DLGAP2: variants seen among roughly 807,000 people sequenced by gnomAD.
DLGAP2 encodes the protein disks large-associated protein 2.
DLGAP2 carries 26 observed loss-of-function variants against 100.3 expected under a neutral mutation model. The ratio of observed to expected loss-of-function variants is 0.26; its 90% CI spans 0.19 to 0.36. DLGAP2 has a LOEUF of 0.36. Ranked by LOEUF, DLGAP2 falls within the 10% of genes least tolerant of loss-of-function variation. The pLI is 1.00. For synonymous variants in DLGAP2, 886 were observed against 630.1 expected (o/e 1.41, Z -6.08); for missense variants, 1,858 against 1,453.2 (o/e 1.28, Z -4.53).
At position 1,549,368 on chromosome 8, in the gene DLGAP2, C is replaced by G. The variant is rs1477420395; in HGVS notation, c.915C>G (p.Ser305Arg). Residue 305 changes from serine (S) to arginine (R), a missense_variant, in exon 5 of 15, where the codon AGC becomes AGG. Ser to Arg is a moderately radical substitution (Grantham distance 110). Coordinates refer to ENST00000637795, the MANE Select transcript of DLGAP2 (RefSeq NM_001346810.2). ...GGAGCTCGGACGACAACCTGGACAG[C>G]GACAGCACCTATCGGACGCCCAGCG... ...SWWSSDDNLD[S>R]DSTYRTPSVL... The G allele has an allele frequency of 1.2e-6, 2 of 1,613,442 alleles. No homozygotes were observed. Among genetic ancestry groups the G allele is most frequent in the Non-Finnish European group, 1.7e-6 (2 of 1,179,794 alleles).
rs1800045891 is a variant in DLGAP2, at chr8:1,291,025, G to C, written c.106+32142G>C. 3.3e-5 allele frequency among the ~76,000 whole-genome samples: 5 copies of C among 152,186 alleles called. 1 individual carries two copies. The South Asian group carries it at 1.0e-3, about 32-fold the overall frequency. On this transcript the variant is annotated intron_variant, in intron 3 of 14. Coordinates refer to ENST00000637795, the MANE Select transcript of DLGAP2 (RefSeq NM_001346810.2). ...AAGTAATACTAAAAGGAGTTCTAAA[G>C]CTTGAAACAAAAGGTCTATAGGCAC...
chr8:1,337,105 G>C (rs1004229025), intron 3 of DLGAP2, among the ~76,000 whole-genome samples: 4 of 152,050 alleles, frequency 2.6e-5, no homozygotes, highest in African/African-American at 9.7e-5. Flanking sequence ...AGGTGAAGAA[G>C]AAATAGATAA....
At chr8:1,441,186 T>C (rs552838562) in intron 3 of DLGAP2, among the ~76,000 whole-genome samples, 1 of 152,348 alleles carries the variant, frequency 6.6e-6, no homozygotes, top group South Asian at 2.1e-4. Flanking sequence ...CAATATTTAT[T>C]CAGTGTTAAT....
chr8:832,520 G>A (rs925591414), intron 1 of DLGAP2, among the ~76,000 whole-genome samples: 1 of 152,276 alleles, frequency 6.6e-6, no homozygotes, highest in South Asian at 2.1e-4. Context: ...CTCTGCGTCT[G>A]ATTGGTGAAT....
intron 2 of DLGAP2, among the ~76,000 whole-genome samples, chr8:1,213,597 G>T (rs909597286): frequency 1.3e-5 from 2 of 152,148 alleles, no homozygotes; most frequent in African/African-American, 4.8e-5. Flanking sequence ...CTCAGATATG[G>T]ATAGCAGGGG....
At chr8:1,639,046 G>A (rs1420215867) in intron 8 of DLGAP2, among the ~76,000 whole-genome samples, 1 of 152,226 alleles carries the variant, frequency 6.6e-6, no homozygotes, top group Non-Finnish European at 1.5e-5. Flanking sequence ...CTGCCTCTCA[G>A]CAGCCGAAGC....
At chr8:1,502,724 C>T (rs930848251) in intron 4 of DLGAP2, among the ~76,000 whole-genome samples, 2 of 152,162 alleles carry the variant, frequency 1.3e-5, no homozygotes, top group South Asian at 2.1e-4. Flanking sequence ...TCCAAATGCA[C>T]GGGACTCATT....
chr8:1,258,767 T>G, intron 2 of DLGAP2, 84 bp from the exon 3 acceptor site: 2 of 1,147,804 alleles, frequency 1.7e-6, no homozygotes, highest in South Asian at 4.5e-5. Flanking sequence ...AAGTTGTAGT[T>G]TTGTTGTTGC....
At chr8:750,078 C>T (rs555591948) in intron 1 of DLGAP2, among the ~76,000 whole-genome samples, 1 of 152,260 alleles carries the variant, frequency 6.6e-6, no homozygotes, top group Non-Finnish European at 1.5e-5. Flanking sequence ...AGTTCATCAC[C>T]TCTGCAAAGC....
chr8:1,628,544 G>A (rs1201807645), intron 7 of DLGAP2, among the ~76,000 whole-genome samples: 1 of 150,744 alleles, frequency 6.6e-6, no homozygotes, highest in East Asian at 2.0e-4. Flanking sequence ...CATTCTGTCT[G>A]ACTTACTGTG....
At chr8:1,089,251 T>A (rs1804091624) in intron 2 of DLGAP2, among the ~76,000 whole-genome samples, 1 of 152,232 alleles carries the variant, frequency 6.6e-6, no homozygotes, top group Non-Finnish European at 1.5e-5. Context: ...AAGTAACAAA[T>A]CTCTTAGGCC....
At chr8:1,465,794 C>A (rs1196712474) in intron 3 of DLGAP2, among the ~76,000 whole-genome samples, 5 of 152,194 alleles carry the variant, frequency 3.3e-5, no homozygotes, top group African/African-American at 7.2e-5. Context: ...CTCTTCCCGG[C>A]CCCTCTGTGC....
intron 3 of DLGAP2, among the ~76,000 whole-genome samples, chr8:1,277,633 G>A (rs553262812): frequency 1.3e-3 from 198 of 152,302 alleles, no homozygotes; most frequent in African/African-American, 4.5e-3. Flanking sequence ...TATCAGCCAG[G>A]CAGGTCAGTA....
chr8:1,270,081 C>T (rs549253906), intron 3 of DLGAP2, among the ~76,000 whole-genome samples: 15 of 152,268 alleles, frequency 9.9e-5, no homozygotes, highest in African/African-American at 3.1e-4. Context: ...CCTTGGGGTC[C>T]TGTTGACTGA....
At chr8:750,220 C>T (rs565867435) in intron 1 of DLGAP2, among the ~76,000 whole-genome samples, 17 of 152,230 alleles carry the variant, frequency 1.1e-4, no homozygotes, top group Admixed American at 5.9e-4. Flanking sequence ...TCTAGACACG[C>T]GCATCCACCC....
chr8:787,376 T>C (rs1821897208), intron 1 of DLGAP2, among the ~76,000 whole-genome samples: 1 of 152,220 alleles, frequency 6.6e-6, no homozygotes, highest in Non-Finnish European at 1.5e-5. Flanking sequence ...TGGTTAGCCA[T>C]GCTCGTTGCA....
At chr8:753,895 C>A (rs1449671283) in intron 1 of DLGAP2, 1 of 152,334 alleles carries the variant, frequency 6.6e-6, no homozygotes, top group East Asian at 1.9e-4. Context: ...CGGCGCGGTG[C>A]GGCGTGTGAT....
intron 2 of DLGAP2, among the ~76,000 whole-genome samples, chr8:978,899 C>CATA (rs1030081015): frequency 6.6e-6 from 1 of 152,160 alleles, no homozygotes; most frequent in African/African-American, 2.4e-5. Flanking sequence ...AAATGTATGA[C>CATA]ATATTATTGC....
chr8:1,040,859 G>C (rs1802326293), intron 2 of DLGAP2, among the ~76,000 whole-genome samples: 1 of 152,166 alleles, frequency 6.6e-6, no homozygotes, highest in African/African-American at 2.4e-5. Flanking sequence ...ACTCCGAGGT[G>C]AGCTCTTATT....
Sources: gnomAD v4.1 joint callset for allele counts (sites outside exome capture counted in the v4.1 genomes callset) on GRCh38, gnomAD v4.1.1 for gene constraint, MANE v1.5 for transcripts, NCBI Gene and HGNC (gene_info 2026-07-23, HGNC 2026-07-21) for gene names.